TRPM7: variants seen among roughly 807,000 people sequenced by gnomAD.
TRPM7 encodes transient receptor potential cation channel subfamily M member 7.
TRPM7 carries 134 observed loss-of-function variants against 229.7 expected under a neutral mutation model. That is an observed-to-expected ratio of 0.58 (90% CI 0.51 to 0.67). TRPM7 has a LOEUF of 0.67. TRPM7 is among the 30% of genes least tolerant of loss of function. The pLI, the probability that TRPM7 is intolerant of heterozygous loss-of-function variation, is 0.00. For synonymous variants in TRPM7, 699 were observed against 715.2 expected (o/e 0.98, Z 0.36); for missense variants, 1,901 against 2,210.0 (o/e 0.86, Z 2.80).
rs2053287203 is a variant in TRPM7, at chr15:50,560,981, T to G, written c.*697A>C. 1 of 152,470 alleles carries G rather than the reference T, an allele frequency of 6.6e-6. No individual in the cohort carries two copies. Among genetic ancestry groups the G allele is most frequent in the African/African-American group, 2.4e-5 (1 of 41,410 alleles). The allele number at this position is 152,470 out of a possible 1,614,324, so 9.4% of individuals were successfully genotyped here. On this transcript the variant is annotated 3_prime_UTR_variant, in exon 39 of 39. Coordinates refer to ENST00000646667, the MANE Select transcript of TRPM7 (RefSeq NM_017672.6). Reference sequence around the variant, plus strand: ...TTTCTTCTACTTAACAGTGACTTGATAAAACAATGTTTAAAAAACCCAATT... The same window carrying G: ...TTTCTTCTACTTAACAGTGACTTGAGAAAACAATGTTTAAAAAACCCAATT...
intron 4 of TRPM7, among the ~76,000 whole-genome samples, chr15:50,646,417 G>C (rs72740453): frequency 0.18 from 27,613 of 151,936 alleles, 3,245 homozygotes; most frequent in East Asian, 0.47. Context: ...CAAGTAGCTG[G>C]GACTACAGGC....
At chr15:50,609,492 T>G in intron 19 of TRPM7, 89 bp downstream of exon 19, 2 of 1,262,752 alleles carry the variant, frequency 1.6e-6, no homozygotes, top group Non-Finnish European at 2.2e-6. Flanking sequence ...GTGATCTAAG[T>G]TATATCAACA....
chr15:50,613,638 T>A (rs1218745193), intron 15 of TRPM7, 69 bp downstream of exon 15: 22 of 1,343,034 alleles, frequency 1.6e-5, no homozygotes, highest in Non-Finnish European at 2.0e-5. Flanking sequence ...TTTTTTTGTT[T>A]AATAATACTA....
chr15:50,618,100 A>G (rs1205013970), intron 13 of TRPM7, among the ~76,000 whole-genome samples: 4 of 152,224 alleles, frequency 2.6e-5, no homozygotes, highest in Non-Finnish European at 5.9e-5. Flanking sequence ...CAAGGAAAAC[A>G]AAACTGTATT....
intron 36 of TRPM7, among the ~76,000 whole-genome samples, chr15:50,572,590 G>A (rs943160476): frequency 5.3e-5 from 8 of 152,100 alleles, no homozygotes; most frequent in Admixed American, 2.0e-4. Flanking sequence ...TATTTGCTTC[G>A]TTGCAGTAGT....
chr15:50,585,732 A>C (rs1201223317), intron 28 of TRPM7, among the ~76,000 whole-genome samples: 3 of 152,214 alleles, frequency 2.0e-5, no homozygotes, highest in African/African-American at 7.2e-5. Flanking sequence ...TGGACAATGT[A>C]GTACTATTTT....
Position 50,591,971 on chromosome 15 carries a change from G to C in TRPM7, c.4264C>G (p.Gln1422Glu). The C allele has an allele frequency of 3.1e-6, 5 of 1,605,450 alleles. No individual in the cohort carries two copies. Among genetic ancestry groups the C allele is most frequent in the Non-Finnish European group, 4.2e-6 (5 of 1,177,804 alleles). Residue 1422 changes from glutamine to glutamate, a missense_variant, in exon 26 of 39, where the codon CAA (glutamine) becomes GAA (glutamate). By Grantham distance (29) the Gln-to-Glu change is conservative. Coordinates refer to ENST00000646667, the MANE Select transcript of TRPM7 (RefSeq NM_017672.6). ...GTAGCTTTAGAGCAAACAGTTTCTT[G>C]ATCTTTGGTTCCAGTTTCCAAGTGG... ...KSHLETGTKD[Q>E]ETVCSKATEG...
At chr15:50,629,435 G>A (rs1197679720) in intron 10 of TRPM7, among the ~76,000 whole-genome samples, 2 of 149,426 alleles carry the variant, frequency 1.3e-5, no homozygotes, top group African/African-American at 5.0e-5. Context: ...ACCACACCAG[G>A]CTAAGTTTTG....
rs140398677 is a variant in TRPM7, at chr15:50,623,025, T to A, written c.1440+1141A>T. Among the ~76,000 whole-genome samples the A allele has an allele frequency of 2.0e-5, 3 of 152,308 alleles. No individual in the cohort carries two copies. In the East Asian group the frequency reaches 5.8e-4, roughly 29 times the overall value. ...CCAGTGGCATGGCATTTAAGCTAAG[T>A]CCTAAGCAATTAATAAAATTTCAAT... On this transcript the variant is annotated intron_variant, in intron 12 of 38. Coordinates refer to ENST00000646667, the MANE Select transcript of TRPM7 (RefSeq NM_017672.6).
At position 50,586,650 on chromosome 15, in the gene TRPM7, C is replaced by T. The variant is rs2059350682; in HGVS notation, c.4390-162G>A. 1.1e-5 allele frequency: 5 copies of T among 472,572 alleles called. No individual in the cohort carries two copies. The East Asian group carries it at 1.4e-4, about 14-fold the overall frequency. The allele number at this position is 472,572 out of a possible 1,614,324, so 29.3% of individuals were successfully genotyped here. ...TAGATTATGGTTATTTTCTTCAATG[C>T]CAATTTCAAAAGCTGCACCAAAACA... On this transcript the variant is annotated intron_variant, in intron 27 of 38. Transcript: ENST00000646667.
chr15:50,646,110 CA>C (rs67338843), intron 4 of TRPM7, among the ~76,000 whole-genome samples: 48,239 of 116,346 alleles, frequency 0.41, 8,144 homozygotes, highest in Admixed American at 0.52. Context: ...GAGCGAGTCT[CA>C]AAAAAAAAAA....
chr15:50,570,083 G>C lies in TRPM7; in HGVS notation c.5360+21C>G, dbSNP rs1310709975. On this transcript the variant is annotated intron_variant, in intron 37 of 38. Transcript: ENST00000646667. ...ATAAAATGTGAAATTATGCCTTAAT[G>C]AAATAGTTAAAACTTATTACCTCTT... The C allele has an allele frequency of 2.5e-6, 4 of 1,601,868 alleles. No individual in the cohort carries two copies. In the African/African-American group the frequency reaches 4.0e-5, roughly 16 times the overall value.
chr15:50,609,799 T>C lies in TRPM7; in HGVS notation c.2436+7A>G. On this transcript the variant is annotated splice_region_variant and intron_variant, in intron 18 of 38. Coordinates refer to ENST00000646667, the MANE Select transcript of TRPM7 (RefSeq NM_017672.6). ...TTATATTTACTTTAAAATGTTTTCC[T>C]GCTTACCATGGGGATCTCTTCTGTT... 6.2e-7 allele frequency: 1 copy of C among 1,604,726 alleles called. No individual in the cohort carries two copies. Among genetic ancestry groups the C allele is most frequent in the Non-Finnish European group, 8.5e-7 (1 of 1,177,242 alleles).
rs1159857238 is a variant in TRPM7, at chr15:50,640,443, AT to A, written c.536-896del. ...AGGCACATACCACCATGCCGGGGTA[AT>A]TTTTTTTTCTTTTTTTTTTTTTTTT... is the stretch of plus-strand genomic sequence containing the variant. On this transcript the variant is annotated intron_variant, in intron 5 of 38. Transcript: ENST00000646667. 5.7e-5 allele frequency among the ~76,000 whole-genome samples: 8 copies of A among 139,496 alleles called. No individual in the cohort carries two copies. In the South Asian group the frequency reaches 6.9e-4, roughly 12 times the overall value. The allele number at this position is 139,496 out of a possible 152,430, so 91.5% of individuals were successfully genotyped here.
chr15:50,612,952 A>G, intron 15 of TRPM7, 123 bp from the exon 16 acceptor site: 1 of 776,970 alleles, frequency 1.3e-6, no homozygotes, highest in East Asian at 2.8e-5. Context: ...AATAGCATAA[A>G]TTTTATAAAC....
intron 5 of TRPM7, among the ~76,000 whole-genome samples, chr15:50,640,601 T>C (rs989611943): frequency 2.0e-5 from 3 of 152,096 alleles, no homozygotes; most frequent in Admixed American, 1.3e-4. Flanking sequence ...TTACTTCTTA[T>C]GGGCTGAATT....
rs753705986 is a variant in TRPM7 at position 50,637,475 on chromosome 15, A to C, written c.779T>G (p.Val260Gly). ...TTTTTCAAGTTCTCTTCTCAGTCTG[A>C]CTTCCGCCCCATACTTTCCAACAGT... The part of the protein sequence containing the change: ...DGTVGKYGAE[V>G]RLRRELEKTI... The change falls in exon 7 of 39, where the codon GTC becomes GGC. Residue 260 changes from valine to glycine, a missense_variant. Coordinates refer to ENST00000646667, the MANE Select transcript of TRPM7 (RefSeq NM_017672.6). The C allele has an allele frequency of 8.1e-6, 13 of 1,613,854 alleles. No homozygotes were observed. Among genetic ancestry groups the C allele is most frequent in the Non-Finnish European group, 1.1e-5 (13 of 1,179,940 alleles).
At chr15:50,673,259 T>C (rs1025459168) in intron 1 of TRPM7, among the ~76,000 whole-genome samples, 1 of 152,152 alleles carries the variant, frequency 6.6e-6, no homozygotes, top group African/African-American at 2.4e-5. Flanking sequence ...ATACTATTTT[T>C]TATTTTTATT....
chr15:50,628,964 G>T (rs977455546), intron 10 of TRPM7, among the ~76,000 whole-genome samples: 17 of 152,012 alleles, frequency 1.1e-4, no homozygotes, highest in African/African-American at 3.4e-4. Flanking sequence ...CCTTGATATC[G>T]TACCTTGGTT....
Sources: gnomAD v4.1 joint callset for allele counts (sites outside exome capture counted in the v4.1 genomes callset) on GRCh38, gnomAD v4.1.1 for gene constraint, MANE v1.5 for transcripts, NCBI Gene and HGNC (gene_info 2026-07-23, HGNC 2026-07-21) for gene names.